SLC25A16: variants seen among roughly 807,000 people sequenced by gnomAD.
SLC25A16 encodes the protein mitochondrial coenzyme A transporter SLC25A16.
In SLC25A16, 39 loss-of-function variants were observed where a neutral mutation model predicts 41.5. The ratio of observed to expected loss-of-function variants is 0.94; its 90% CI spans 0.73 to 1.23. The LOEUF (loss-of-function observed/expected upper bound fraction) is 1.23. SLC25A16 is among the 50% of genes most tolerant of loss of function. The pLI is 0.00. For synonymous variants in SLC25A16, 146 were observed against 147.8 expected (o/e 0.99, Z 0.09); for missense variants, 421 against 426.9 (o/e 0.99, Z 0.12).
At chr10:68,513,688 G>C (rs2053108762) in intron 2 of SLC25A16, among the ~76,000 whole-genome samples, 1 of 152,096 alleles carries the variant, frequency 6.6e-6, no homozygotes, top group Admixed American at 6.6e-5. Flanking sequence ...TTAGGAGTTT[G>C]AGACCAGCCT....
intron 2 of SLC25A16, among the ~76,000 whole-genome samples, chr10:68,508,258 G>T (rs1225046831): frequency 6.6e-6 from 1 of 151,868 alleles, no homozygotes; most frequent in African/African-American, 2.4e-5. Flanking sequence ...AAAAATTATG[G>T]CAATGCAATC....
intron 1 of SLC25A16, among the ~76,000 whole-genome samples, chr10:68,526,554 C>G (rs1479426108): frequency 6.6e-6 from 1 of 152,120 alleles, no homozygotes; most frequent in African/African-American, 2.4e-5. Flanking sequence ...TATACTTTGT[C>G]TCTGTGTCTT....
At chr10:68,489,738 A>C (rs944612229) in intron 6 of SLC25A16, among the ~76,000 whole-genome samples, 3 of 151,766 alleles carry the variant, frequency 2.0e-5, no homozygotes, top group Admixed American at 2.0e-4. Flanking sequence ...CTGTCTCTAC[A>C]AAAAATACAA....
chr10:68,512,734 C>T (rs2053087674), intron 2 of SLC25A16, among the ~76,000 whole-genome samples: 1 of 151,046 alleles, frequency 6.6e-6, no homozygotes, highest in Admixed American at 6.6e-5. Flanking sequence ...CAGACTTCCT[C>T]ACTATTAAAA....
At chr10:68,484,790 G>T (rs79142925) in intron 8 of SLC25A16, among the ~76,000 whole-genome samples, 6,662 of 152,110 alleles carry the variant, frequency 0.044, 214 homozygotes, top group Middle Eastern at 0.088. Context: ...CCAAATTCAT[G>T]AACAAATGTT....
At position 68,485,256 on chromosome 10, in the gene SLC25A16, A is replaced by AT. The variant is rs201067467; in HGVS notation, c.843-1669dup. Among the ~76,000 whole-genome samples, 590 of 151,894 alleles carry AT rather than the reference A, an allele frequency of 3.9e-3. 8 individuals are homozygous for AT. Among genetic ancestry groups the AT allele is most frequent in the African/African-American group, 0.014 (569 of 41,446 alleles). ...AGGCGCACACCGCCACACCCAGCTAATTTTTTTGTATTTTTAGTAGAGATG... is the reference window on the plus strand; with the variant it reads ...AGGCGCACACCGCCACACCCAGCTAATTTTTTTTGTATTTTTAGTAGAGATG... On this transcript the variant is annotated intron_variant, in intron 8 of 8. Transcript: ENST00000609923.
chr10:68,483,550 T>C lies in SLC25A16; in HGVS notation c.881A>G (p.His294Arg), dbSNP rs1268910242. The C allele has an allele frequency of 1.9e-6, 3 of 1,611,846 alleles. No homozygotes were observed. Among genetic ancestry groups the C allele is most frequent in the Non-Finnish European group, 1.7e-6 (2 of 1,178,728 alleles). The change falls in exon 9 of 9, where the codon CAT (histidine) becomes CGT (arginine). Residue 294 changes from histidine to arginine, a missense_variant. His to Arg is a conservative substitution (Grantham distance 29). Transcript: ENST00000609923. ...ACGATAGAGTCCTTTTCGAATTCCA[T>C]GGTGTCCATAGACATACTTCATAGT... Reference protein sequence around the residue: ...RDTMKYVYGHHGIRKGLYRGL... With the variant: ...RDTMKYVYGHRGIRKGLYRGL...
At chr10:68,493,345 C>T in intron 5 of SLC25A16, 104 bp downstream of exon 5, 6 of 1,149,602 alleles carry the variant, frequency 5.2e-6, no homozygotes, top group South Asian at 1.4e-5. Context: ...TTGTTATTAA[C>T]ATCAATAATT....
chr10:68,522,814 C>CAAAAAAAAAAAAAAAAAAAAAAAAAAA (rs58143466), intron 1 of SLC25A16, among the ~76,000 whole-genome samples: 1 of 65,468 alleles, frequency 1.5e-5, no homozygotes, highest in Non-Finnish European at 2.8e-5. Flanking sequence ...GATTCCTTCT[C>CAAAAAAAAAAAAAAAAAAAAAAAAAAA]AAAAAAAAAA....
chr10:68,518,779 A>T (rs1414627051), intron 1 of SLC25A16, among the ~76,000 whole-genome samples: 1 of 144,626 alleles, frequency 6.9e-6, no homozygotes, highest in African/African-American at 2.7e-5. Flanking sequence ...GTCTCAAAAA[A>T]ACAAATAAAA....
At chr10:68,488,687 G>T (rs2052606288) in intron 6 of SLC25A16, 58 bp from the exon 7 acceptor site, 1 of 1,335,530 alleles carries the variant, frequency 7.5e-7, no homozygotes, top group Admixed American at 2.2e-5. Flanking sequence ...CTGTGAAAAA[G>T]ACACCATTCT....
chr10:68,492,314 C>A (rs2052672836), intron 6 of SLC25A16, among the ~76,000 whole-genome samples: 1 of 152,142 alleles, frequency 6.6e-6, no homozygotes, highest in African/African-American at 2.4e-5. Flanking sequence ...TCTAGTCATT[C>A]CAACACTTAC....
At chr10:68,522,409 G>A (rs1006293873) in intron 1 of SLC25A16, among the ~76,000 whole-genome samples, 3 of 151,288 alleles carry the variant, frequency 2.0e-5, no homozygotes, top group Admixed American at 6.6e-5. Context: ...GCCAGGCACA[G>A]TGGCTCATGC....
Position 68,527,389 on chromosome 10 carries a change from GC to G in SLC25A16, c.-15del. 6.8e-7 allele frequency: 1 copy of G among 1,470,642 alleles called. No homozygotes were observed. Among genetic ancestry groups the G allele is most frequent in the Non-Finnish European group, 8.9e-7 (1 of 1,119,686 alleles). 91.1% of individuals were successfully genotyped at this position (1,470,642 alleles called of 1,614,324 possible). A position where few individuals can be genotyped will look rare whatever the true frequency, so the allele number is the denominator to read the frequency against. On this transcript the variant is annotated 5_prime_UTR_variant, in exon 1 of 9. Coordinates refer to ENST00000609923, the MANE Select transcript of SLC25A16 (RefSeq NM_152707.4). Reference sequence around the variant, plus strand: ...CGCCGCCGCCATCAGGACCAGGGTCGCGTCAGGAGCCTAGGTTGCCAACTTA... The same window carrying G: ...CGCCGCCGCCATCAGGACCAGGGTCGGTCAGGAGCCTAGGTTGCCAACTTA...
Position 68,527,482 on chromosome 10 carries a change from G to T in SLC25A16, c.-107C>A, listed in dbSNP as rs1218006660. 8.8e-7 allele frequency: 1 copy of T among 1,134,556 alleles called. No individual in the cohort carries two copies. Among genetic ancestry groups the T allele is most frequent in the Non-Finnish European group, 1.2e-6 (1 of 849,222 alleles). 70.3% of individuals were successfully genotyped at this position (1,134,556 alleles called of 1,614,324 possible). ...GGAGGCTGACCGCCCCGCCGGCGGG[G>T]CAAAGTAACACCCGGCGGCGCGGCG... On this transcript the variant is annotated 5_prime_UTR_variant, in exon 1 of 9. Transcript: ENST00000609923.
intron 2 of SLC25A16, among the ~76,000 whole-genome samples, chr10:68,507,650 A>G (rs1421891518): frequency 6.6e-6 from 1 of 152,080 alleles, no homozygotes; most frequent in Non-Finnish European, 1.5e-5. Flanking sequence ...ATATATAGTG[A>G]TATCTTTATT....
chr10:68,479,621 A>C lies in SLC25A16; in HGVS notation c.*3811T>G, dbSNP rs1453806073. ...GGTATTCAAGACCAGCCTGGCCAACAGGGCAAAACCCAGCTCTACTAAATA... is the reference window on the plus strand; with the variant it reads ...GGTATTCAAGACCAGCCTGGCCAACCGGGCAAAACCCAGCTCTACTAAATA... On this transcript the variant is annotated 3_prime_UTR_variant, in exon 9 of 9. Transcript: ENST00000609923. The C allele has an allele frequency of 6.6e-6, 1 of 152,166 alleles. No individual in the cohort carries two copies. Among genetic ancestry groups the C allele is most frequent in the African/African-American group, 2.4e-5 (1 of 41,438 alleles). 9.4% of individuals were successfully genotyped at this position (152,166 alleles called of 1,614,324 possible). A position where few individuals can be genotyped will look rare whatever the true frequency, so the allele number is the denominator to read the frequency against.
At chr10:68,484,424 C>CT (rs35608830) in intron 8 of SLC25A16, among the ~76,000 whole-genome samples, 13,725 of 127,518 alleles carry the variant, frequency 0.11, 999 homozygotes, top group African/African-American at 0.19. Flanking sequence ...TTTCAAAAAT[C>CT]TTTTTTTTTT....
At chr10:68,522,500 T>C (rs949565057) in intron 1 of SLC25A16, among the ~76,000 whole-genome samples, 9 of 151,156 alleles carry the variant, frequency 6.0e-5, no homozygotes, top group Non-Finnish European at 1.0e-4. Flanking sequence ...GCCAGAATGG[T>C]GAAACCCGGT....
Sources: allele counts gnomAD v4.1 joint callset (sites outside exome capture counted in the v4.1 genomes callset), GRCh38; gene constraint gnomAD v4.1.1; transcripts MANE v1.5; gene names NCBI Gene and HGNC (gene_info 2026-07-23, HGNC 2026-07-21).